Variants in WARS1 observed in about 807,000 individuals in gnomAD.
WARS1 encodes the protein tryptophanyl-tRNA synthetase 1.
Under a neutral mutation model 47.8 loss-of-function variants are expected in WARS1, and 17 were observed. The observed-to-expected ratio is 0.36, with a 90% CI of 0.24 to 0.53. The LOEUF is 0.53. Among genes scored for constraint, WARS1 ranks in the 20% least tolerant of loss-of-function variants. The pLI is 0.91. For missense variants in WARS1, 434 were observed against 608.0 expected (o/e 0.71, Z 3.01); for synonymous variants, 208 against 228.1 (o/e 0.91, Z 0.79).
At chr14:100,371,664 G>A (rs1464880142) in intron 1 of WARS1, among the ~76,000 whole-genome samples, 1 of 152,092 alleles carries the variant, frequency 6.6e-6, no homozygotes, top group Non-Finnish European at 1.5e-5. Context: ...GAACCTGGGA[G>A]GCAGAGGTTG....
At chr14:100,366,315 C>T (rs1177021724) in intron 2 of WARS1, among the ~76,000 whole-genome samples, 2 of 152,288 alleles carry the variant, frequency 1.3e-5, no homozygotes, top group South Asian at 2.1e-4. Context: ...ATCTAAAGAC[C>T]TTGACACGAA....
At chr14:100,341,275 T>C (rs1024063728) in intron 9 of WARS1, among the ~76,000 whole-genome samples, 1 of 152,184 alleles carries the variant, frequency 6.6e-6, no homozygotes, top group African/African-American at 2.4e-5. Context: ...ACTTTTCCAA[T>C]GGCGCTTCCC....
At chr14:100,342,684 A>G in intron 8 of WARS1, 113 bp from the exon 9 acceptor site, 2 of 974,264 alleles carry the variant, frequency 2.1e-6, no homozygotes, top group Non-Finnish European at 3.0e-6. Context: ...CCAACCAAAG[A>G]AATTCACTCC....
intron 2 of WARS1, 49 bp downstream of exon 2, chr14:100,369,038 A>C: frequency 7.1e-7 from 1 of 1,400,550 alleles, no homozygotes; most frequent in South Asian, 1.5e-5. Flanking sequence ...AACCCTACAG[A>C]CTTGGGAGGC....
chr14:100,368,968 TA>T, intron 2 of WARS1, 118 bp downstream of exon 2: 2 of 641,110 alleles, frequency 3.1e-6, no homozygotes, highest in Non-Finnish European at 4.5e-6. Flanking sequence ...TCTCAAAAAA[TA>T]AAAAATTATA....
intron 6 of WARS1, among the ~76,000 whole-genome samples, chr14:100,350,413 A>AAAAAT (rs1894900333): frequency 6.6e-6 from 1 of 151,056 alleles, no homozygotes; most frequent in Non-Finnish European, 1.5e-5. Context: ...AAAAAAAAAA[A>AAAAAT]AAAGGAAGTT....
intron 8 of WARS1, 33 bp from the exon 9 acceptor site, chr14:100,342,604 GC>G: frequency 6.4e-7 from 1 of 1,574,238 alleles, no homozygotes; most frequent in South Asian, 1.2e-5. Context: ...GATGAGGGCG[GC>G]CAGAAAACAT....
intron 10 of WARS1, 82 bp from the exon 11 acceptor site, chr14:100,335,118 C>T: frequency 7.0e-7 from 1 of 1,421,576 alleles, no homozygotes; most frequent in Non-Finnish European, 9.6e-7. Flanking sequence ...CCAGCTCAGC[C>T]CACACCACCC....
chr14:100,365,162 C>CAG (rs1555383169), intron 2 of WARS1, among the ~76,000 whole-genome samples: 1 of 150,952 alleles, frequency 6.6e-6, no homozygotes, highest in African/African-American at 2.4e-5. Flanking sequence ...CACACACACA[C>CAG]AAATAATGAT....
At chr14:100,360,451 C>T (rs1895590837) in intron 4 of WARS1, 103 bp downstream of exon 4, 1 of 841,306 alleles carries the variant, frequency 1.2e-6, no homozygotes, top group African/African-American at 1.7e-5. Flanking sequence ...CTGGCCATCA[C>T]TTTTCCCACA....
intron 2 of WARS1, among the ~76,000 whole-genome samples, chr14:100,363,477 C>T (rs1595451989): frequency 6.6e-6 from 1 of 152,176 alleles, no homozygotes. Flanking sequence ...GGGCGGATCG[C>T]CTGAGCTCAT....
intron 4 of WARS1, among the ~76,000 whole-genome samples, chr14:100,355,054 T>C (rs1895225917): frequency 6.6e-6 from 1 of 152,150 alleles, no homozygotes; most frequent in African/African-American, 2.4e-5. Flanking sequence ...GTTGGAGATC[T>C]ATCTGGGCCC....
chr14:100,339,440 A>G (rs530242230), intron 9 of WARS1, among the ~76,000 whole-genome samples: 1 of 152,170 alleles, frequency 6.6e-6, no homozygotes, highest in Non-Finnish European at 1.5e-5. Context: ...AATACAAAAA[A>G]TTAGCTGGGT....
Position 100,344,114 on chromosome 14 carries a change from G to A in WARS1, c.827-727C>T, listed in dbSNP as rs142091368. Among the ~76,000 whole-genome samples the A allele has an allele frequency of 6.3e-3, 957 of 151,392 alleles. 6 individuals carry two copies. The highest frequency in any genetic ancestry group is 0.01 in the Middle Eastern group (3 of 294). ...GGTCTCCCTCTCCCTCTCTTTCCAC[G>A]GTCTCCCTCTGATGCGGAGCCAAAG... On this transcript the variant is annotated intron_variant, in intron 7 of 10. Coordinates refer to ENST00000392882, the MANE Select transcript of WARS1 (RefSeq NM_004184.4).
chr14:100,350,519 C>T (rs534538967), intron 6 of WARS1, among the ~76,000 whole-genome samples: 22 of 151,656 alleles, frequency 1.5e-4, no homozygotes, highest in African/African-American at 4.6e-4. Flanking sequence ...GTTCAGAGAG[C>T]GCTGAAAGTG....
In WARS1 at chr14:100,335,058, C is replaced by A. The variant is rs536195792; in HGVS notation, c.1255-22G>T. 14 of 1,608,894 alleles carry A rather than the reference C, an allele frequency of 8.7e-6. No individual in the cohort carries two copies. In the South Asian group the frequency reaches 8.8e-5, roughly 10 times the overall value. On this transcript the variant is annotated intron_variant, in intron 10 of 10. Transcript: ENST00000392882. Reference sequence around the variant, plus strand: ...AATCCTGCCCGGAGGGAGACAGCCACGTGAGAGATGGCTCCACATGTCCTG... The same window carrying A: ...AATCCTGCCCGGAGGGAGACAGCCAAGTGAGAGATGGCTCCACATGTCCTG...
At chr14:100,342,284 A>ACGGTGGCT in intron 9 of WARS1, 114 bp downstream of exon 9, 2 of 1,445,746 alleles carry the variant, frequency 1.4e-6, no homozygotes, top group Non-Finnish European at 1.9e-6. Context: ...CAGCATTGCT[A>ACGGTGGCT]CGGTGGCTGG....
intron 10 of WARS1, 23 bp downstream of exon 10, chr14:100,337,039 G>C: frequency 6.2e-7 from 1 of 1,604,072 alleles, no homozygotes; most frequent in Non-Finnish European, 8.5e-7. Context: ...GGCGGCTGTG[G>C]GCCCTTGGGG....
At chr14:100,354,004 T>C in intron 5 of WARS1, 135 bp from the exon 6 acceptor site, 2 of 776,678 alleles carry the variant, frequency 2.6e-6, no homozygotes, top group Non-Finnish European at 4.0e-6. Context: ...ATTTGAATTG[T>C]GATATGAATT....
Sources: gnomAD v4.1 joint callset for allele counts (sites outside exome capture counted in the v4.1 genomes callset) on GRCh38, gnomAD v4.1.1 for gene constraint, MANE v1.5 for transcripts, NCBI Gene and HGNC (gene_info 2026-07-23, HGNC 2026-07-21) for gene names.